The following OR2T10 variants were observed in gnomAD, a reference collection of about 807,000 sequenced individuals.
OR2T10 encodes the protein olfactory receptor family 2 subfamily T member 10, also known as olfactory receptor 2T10.
For synonymous variants in OR2T10, 125 were observed against 141.8 expected, an observed-to-expected ratio of 0.88 and a Z score of 0.84; for missense variants, 335 against 382.5, an observed-to-expected ratio of 0.88 and a Z score of 1.04.
chr1:248,596,068 AAC>A (rs913376800), intron 1 of OR2T10, among the ~76,000 whole-genome samples: 4 of 143,972 alleles, frequency 2.8e-5, no homozygotes, highest in Non-Finnish European at 6.0e-5. Flanking sequence ...AGACAAATAA[AAC>A]ACACATGTGC....
At position 248,592,289 on chromosome 1, in the gene OR2T10, T is replaced by C. The variant is rs146435576; in HGVS notation, c.*541A>G. 2.1e-5 allele frequency: 3 copies of C among 144,714 alleles called. No homozygotes were observed. The highest frequency in any genetic ancestry group is 2.0e-4 in the East Asian group (1 of 4,978). 9.0% of individuals were successfully genotyped at this position (144,714 alleles called of 1,614,324 possible). ...GAATGTGTTTATCTCCAAATGCCTA[T>C]GGATGAATGAACCCCCTTGTCCCTG... On this transcript the variant is annotated 3_prime_UTR_variant, in exon 2 of 2. Transcript: ENST00000642090.
Position 248,593,282 on chromosome 1 carries a change from C to A in OR2T10, c.487G>T (p.Ala163Ser), listed in dbSNP as rs780052066. Residue 163 changes from alanine to serine, a missense_variant, in exon 2 of 2, where the codon GCC becomes TCC. Physicochemically the swap from Ala to Ser is moderately conservative, Grantham distance 99. Transcript: ENST00000642090. The stretch of plus-strand genomic sequence containing the variant: ...GATCTGCAGAAGGGGAAGCTCATGG[C>A]GATGGGAGTGAGCATGAAGCCATCC... ...SVDGFMLTPI[A>S]MSFPFCRSHE... The A allele has an allele frequency of 2.5e-6, 4 of 1,573,030 alleles. No homozygotes were observed. Among genetic ancestry groups the A allele is most frequent in the Non-Finnish European group, 3.5e-6 (4 of 1,156,798 alleles).
In OR2T10 at chr1:248,597,534, C is replaced by G. The variant is rs967457935; in HGVS notation, c.-71G>C. On this transcript the variant is annotated 5_prime_UTR_variant, in exon 1 of 2. Transcript: ENST00000642090. Reference sequence around the variant, plus strand: ...TGTAATACCCTGAGGAATTTTATTTCCAATAAGATACTTCCAGTATAGTCG... The same window carrying G: ...TGTAATACCCTGAGGAATTTTATTTGCAATAAGATACTTCCAGTATAGTCG... 7 of 143,166 alleles carry G rather than the reference C, an allele frequency of 4.9e-5. 1 individual carries two copies. Among genetic ancestry groups the G allele is most frequent in the Non-Finnish European group, 1.1e-4 (7 of 66,250 alleles). 8.9% of individuals were successfully genotyped at this position (143,166 alleles called of 1,614,324 possible). A position where few individuals can be genotyped will look rare whatever the true frequency, so the allele number is the denominator to read the frequency against.
chr1:248,594,334 A>G (rs1660061043), intron 1 of OR2T10, among the ~76,000 whole-genome samples: 1 of 143,844 alleles, frequency 7.0e-6, no homozygotes, highest in Non-Finnish European at 1.5e-5. Context: ...TTTTAAACAT[A>G]AAATTCCAAA....
Position 248,592,953 on chromosome 1 carries a change from C to CAT in OR2T10, c.814_815dup (p.Met272IlefsTer2), listed in dbSNP as rs761729778. On this transcript the variant is annotated frameshift_variant, in exon 2 of 2. Coordinates refer to ENST00000642090, the MANE Select transcript of OR2T10 (RefSeq NM_001004693.2). LOFTEE classifies it low-confidence loss of function (END_TRUNC). Reference sequence around the variant, plus strand: ...GGATAGTGTAGAAAAAGGATGACATCATATCTTTCTCAGGAGTTTGGTAGG... The same window carrying CAT: ...GGATAGTGTAGAAAAAGGATGACATCATATATCTTTCTCAGGAGTTTGGTAGG... The CAT allele has an allele frequency of 3.8e-6, 6 of 1,567,698 alleles. 1 individual carries two copies. The highest frequency in any genetic ancestry group is 5.2e-6 in the Non-Finnish European group (6 of 1,152,012).
In OR2T10 at chr1:248,593,104, A is replaced by G; in HGVS notation, c.665T>C (p.Ile222Thr). 1 of 1,572,738 alleles carries G rather than the reference A, an allele frequency of 6.4e-7. No individual in the cohort carries two copies. The highest frequency in any genetic ancestry group is 8.6e-7 in the Non-Finnish European group (1 of 1,156,686). ...TGAGTTCATCTTATGGATGGTGAGG[A>G]TGATATAGTAGTAAGACACTGAAAT... Reference protein sequence around the residue: ...TVISVSYYYIILTIHKMNSVE... With the variant: ...TVISVSYYYITLTIHKMNSVE... Residue 222 changes from isoleucine to threonine, a missense_variant, in exon 2 of 2, where the codon ATC becomes ACC. Coordinates refer to ENST00000642090, the MANE Select transcript of OR2T10 (RefSeq NM_001004693.2).
Position 248,593,848 on chromosome 1 carries a change from G to T in OR2T10, c.-28-52C>A. Reference sequence around the variant, plus strand: ...ATAATCATGTGTGTACCACGTAAAAGTATGTTTGCTTCACTTTACCTTTTA... The same window carrying T: ...ATAATCATGTGTGTACCACGTAAAATTATGTTTGCTTCACTTTACCTTTTA... On this transcript the variant is annotated intron_variant, in intron 1 of 1. Transcript: ENST00000642090. 4.2e-6 allele frequency: 3 copies of T among 712,214 alleles called. 1 individual carries two copies. The highest frequency in any genetic ancestry group is 6.9e-6 in the Non-Finnish European group (3 of 437,024). The allele number at this position is 712,214 out of a possible 1,614,324, so 44.1% of individuals were successfully genotyped here.
chr1:248,596,887 A>G (rs1241321364), intron 1 of OR2T10, among the ~76,000 whole-genome samples: 1 of 142,276 alleles, frequency 7.0e-6, no homozygotes, highest in African/African-American at 2.8e-5. Flanking sequence ...TCTATCAACC[A>G]TCTCCCACTC....
chr1:248,594,073 A>G (rs1660056810), intron 1 of OR2T10, among the ~76,000 whole-genome samples: 1 of 140,738 alleles, frequency 7.1e-6, no homozygotes, highest in Non-Finnish European at 1.5e-5. Flanking sequence ...ATTTTTACTT[A>G]TATATGTTCA....
Position 248,593,353 on chromosome 1 carries a change from CT to C in OR2T10, c.415del (p.Arg139GlyfsTer26). ...PLRYSVLMSH[R>X]VCLLLASGCW... is the part of the protein sequence containing the mutation. The stretch of plus-strand genomic sequence containing the variant: ...GCCTGATGCCAGGAGGAGACATACC[CT>C]ATGGCTCATGAGCACAGAGTAACGG... On this transcript the variant is annotated frameshift_variant, in exon 2 of 2. Coordinates refer to ENST00000642090, the MANE Select transcript of OR2T10 (RefSeq NM_001004693.2). LOFTEE classifies it low-confidence loss of function (END_TRUNC). 6.4e-7 allele frequency: 1 copy of C among 1,573,220 alleles called. No individual in the cohort carries two copies. The highest frequency in any genetic ancestry group is 8.6e-7 in the Non-Finnish European group (1 of 1,157,084).
chr1:248,592,650 G>A lies in OR2T10; in HGVS notation c.*180C>T. ...AGAGATCAATGCTACGAGGGAAGGG[G>A]GGGATAAGTGAACATCATCTCAAGT... On this transcript the variant is annotated 3_prime_UTR_variant, in exon 2 of 2. Transcript: ENST00000642090. 2.1e-6 allele frequency: 1 copy of A among 477,622 alleles called. No individual in the cohort carries two copies. Among genetic ancestry groups the A allele is most frequent in the Non-Finnish European group, 3.7e-6 (1 of 270,812 alleles). 29.6% of individuals were successfully genotyped at this position (477,622 alleles called of 1,614,324 possible). A position where few individuals can be genotyped will look rare whatever the true frequency, so the allele number is the denominator to read the frequency against.
Position 248,591,938 on chromosome 1 carries a change from TTA to T in OR2T10, c.*890_*891del, listed in dbSNP as rs1660006244. 3 of 144,272 alleles carry T rather than the reference TTA, an allele frequency of 2.1e-5. 1 individual carries two copies. The highest frequency in any genetic ancestry group is 2.0e-4 in the East Asian group (1 of 5,008). 8.9% of individuals were successfully genotyped at this position (144,272 alleles called of 1,614,324 possible). A position where few individuals can be genotyped will look rare whatever the true frequency, so the allele number is the denominator to read the frequency against. On this transcript the variant is annotated 3_prime_UTR_variant, in exon 2 of 2. Coordinates refer to ENST00000642090, the MANE Select transcript of OR2T10 (RefSeq NM_001004693.2). ...ATAATCACACAAGACGTTATAATTA[TTA>T]TGTTATTTGTTAAATACAAATACAA...
In OR2T10 at chr1:248,593,490, C is replaced by T. The variant is rs61743160; in HGVS notation, c.279G>A (p.Ser93=). 9.1e-4 allele frequency: 1,432 copies of T among 1,572,304 alleles called. 278 individuals carry two copies. The African/African-American group carries it at 0.019, about 21-fold the overall frequency. Residue 93 remains serine, a synonymous_variant, in exon 2 of 2, where the codon TCG becomes TCA. Transcript: ENST00000642090. ...VNQLAKDKTI[S]VLGCGTQMYF... ...ACATCTGGGTGCCACACCCAAGGAC[C>T]GAGATGGTCTTGTCTTTGGCCAGCT...
chr1:248,595,768 A>C lies in OR2T10; in HGVS notation c.-29+1724T>G, dbSNP rs983766830. On this transcript the variant is annotated intron_variant, in intron 1 of 1. Transcript: ENST00000642090. ...AAATAATTCCCAATAAACTTCAAAAATTCAGTGGAATTATTTAGTAGATTC... is the reference window on the plus strand; with the variant it reads ...AAATAATTCCCAATAAACTTCAAAACTTCAGTGGAATTATTTAGTAGATTC... 1.7e-4 allele frequency among the ~76,000 whole-genome samples: 22 copies of C among 127,066 alleles called. 1 individual carries two copies. The highest frequency in any genetic ancestry group is 6.1e-4 in the African/African-American group (18 of 29,548). The allele number at this position is 127,066 out of a possible 152,430, so 83.4% of individuals were successfully genotyped here.
At chr1:248,594,104 C>A (rs1660057090) in intron 1 of OR2T10, among the ~76,000 whole-genome samples, 1 of 142,638 alleles carries the variant, frequency 7.0e-6, no homozygotes, top group African/African-American at 2.8e-5. Flanking sequence ...GTGTTAGTAT[C>A]TTATAGTTGC....
chr1:248,596,292 G>A (rs1487916639), intron 1 of OR2T10, among the ~76,000 whole-genome samples: 1 of 143,110 alleles, frequency 7.0e-6, no homozygotes, highest in Admixed American at 6.8e-5. Flanking sequence ...CAGTGTCCAG[G>A]ATAAGACTGG....
In OR2T10 at chr1:248,593,733, A is replaced by T; in HGVS notation, c.36T>A (p.Phe12Leu). 2.6e-6 allele frequency: 4 copies of T among 1,565,632 alleles called. No homozygotes were observed. The highest frequency in any genetic ancestry group is 3.5e-6 in the Non-Finnish European group (4 of 1,152,472). Residue 12 changes from phenylalanine to leucine, a missense_variant, in exon 2 of 2, where the codon TTT becomes TTA. Phe to Leu is a conservative substitution (Grantham distance 22). Transcript: ENST00000642090. ...TCTGGCTGAAGATTCCCAACAGGAA[A>T]AAGTCACCACCCAGGGTCTGGTTGG... is the stretch of plus-strand genomic sequence containing the variant. The part of the protein sequence containing the change: ...RLANQTLGGD[F>L]FLLGIFSQIS...
Position 248,592,821 on chromosome 1 carries a change from T to C in OR2T10, c.*9A>G. On this transcript the variant is annotated 3_prime_UTR_variant, in exon 2 of 2. Coordinates refer to ENST00000642090, the MANE Select transcript of OR2T10 (RefSeq NM_001004693.2). Reference sequence around the variant, plus strand: ...AAGAAGAGAGGACCAACTTAAGTTCTTTCACACTTTAATATGGAGGTTTCT... The same window carrying C: ...AAGAAGAGAGGACCAACTTAAGTTCCTTCACACTTTAATATGGAGGTTTCT... 6.8e-7 allele frequency: 1 copy of C among 1,460,544 alleles called. No homozygotes were observed. The highest frequency in any genetic ancestry group is 1.2e-5 in the South Asian group (1 of 80,698). 90.5% of individuals were successfully genotyped at this position (1,460,544 alleles called of 1,614,324 possible).
At position 248,593,360 on chromosome 1, in the gene OR2T10, T is replaced by TCATGAG. The variant is rs756671893; in HGVS notation, c.403_408dup (p.Leu135_Met136dup). On this transcript the variant is annotated inframe_insertion, in exon 2 of 2. Coordinates refer to ENST00000642090, the MANE Select transcript of OR2T10 (RefSeq NM_001004693.2). The stretch of plus-strand genomic sequence containing the variant: ...GCCAGGAGGAGACATACCCTATGGC[T>TCATGAG]CATGAGCACAGAGTAACGGAGAGGA... 3 of 1,572,632 alleles carry TCATGAG rather than the reference T, an allele frequency of 1.9e-6. No homozygotes were observed. The Admixed American group carries it at 5.1e-5, about 27-fold the overall frequency.
Sources: gnomAD v4.1 joint callset for allele counts (sites outside exome capture counted in the v4.1 genomes callset) on GRCh38, gnomAD v4.1.1 for gene constraint, MANE v1.5 for transcripts, NCBI Gene and HGNC (gene_info 2026-07-23, HGNC 2026-07-21) for gene names.